DGKB: variants seen among roughly 807,000 people sequenced by gnomAD.
The protein encoded by DGKB is 90 kDa diacylglycerol kinase.
A neutral mutation model predicts 114.3 loss-of-function variants in DGKB; 67 were observed. The ratio of observed to expected loss-of-function variants is 0.59; its 90% CI spans 0.48 to 0.72. The LOEUF (loss-of-function observed/expected upper bound fraction) is 0.72, where lower values mean the gene tolerates loss of function less well. DGKB is among the 30% of genes least tolerant of loss of function. The probability of loss-of-function intolerance (pLI) is 0.00; values close to 1 mark genes in which losing one functional copy is unlikely to be tolerated. For synonymous variants in DGKB, 398 were observed against 323.1 expected, an observed-to-expected ratio of 1.23 and a Z score of -2.49; for missense variants, 907 against 975.2, an observed-to-expected ratio of 0.93 and a Z score of 0.93.
At chr7:14,391,091 T>TA (rs763062742) in intron 21 of DGKB, among the ~76,000 whole-genome samples, 1 of 152,232 alleles carries the variant, frequency 6.6e-6, no homozygotes, top group East Asian at 1.9e-4. Flanking sequence ...TTCAATTTGA[T>TA]ACGTTTGTTA....
intron 25 of DGKB, among the ~76,000 whole-genome samples, chr7:14,153,785 A>T (rs1782574443): frequency 6.6e-6 from 1 of 152,116 alleles, no homozygotes; most frequent in South Asian, 2.1e-4. Flanking sequence ...ACAGAAAAAT[A>T]AAAATCAGCA....
At chr7:14,785,305 G>A (rs1839720550) in intron 2 of DGKB, among the ~76,000 whole-genome samples, 2 of 151,878 alleles carry the variant, frequency 1.3e-5, no homozygotes, top group Non-Finnish European at 2.9e-5. Flanking sequence ...TATAGAAAAC[G>A]GCAGGCAAAC....
At chr7:14,479,230 A>G (rs968424474) in intron 20 of DGKB, among the ~76,000 whole-genome samples, 6 of 152,176 alleles carry the variant, frequency 3.9e-5, no homozygotes, top group Admixed American at 2.0e-4. Context: ...GAAGTTGTGT[A>G]TTTGAGAGAA....
intron 2 of DGKB, among the ~76,000 whole-genome samples, chr7:14,805,159 T>C (rs1400996301): frequency 6.6e-6 from 1 of 152,058 alleles, no homozygotes; most frequent in African/African-American, 2.4e-5. Flanking sequence ...AAAACAAAAT[T>C]TATGTTAGTG....
intron 21 of DGKB, among the ~76,000 whole-genome samples, chr7:14,362,959 T>A (rs370464632): frequency 2.0e-4 from 31 of 152,168 alleles, no homozygotes; most frequent in African/African-American, 7.5e-4. Flanking sequence ...CATGGAACAT[T>A]ACAGAAGTGA....
intron 1 of DGKB, among the ~76,000 whole-genome samples, chr7:14,901,148 A>C (rs540047590): frequency 6.6e-6 from 1 of 152,332 alleles, no homozygotes; most frequent in Non-Finnish European, 1.5e-5. Flanking sequence ...TGGGCACTCC[A>C]ACAATGCCAA....
intron 20 of DGKB, among the ~76,000 whole-genome samples, chr7:14,549,838 A>G (rs986688353): frequency 3.3e-5 from 5 of 152,238 alleles, no homozygotes; most frequent in African/African-American, 1.2e-4. Context: ...AAATATAAAA[A>G]TTAGCTGGGC....
upstream of DGKB, among the ~76,000 whole-genome samples, chr7:14,907,462 G>A (rs1218637479): frequency 1.3e-5 from 2 of 152,196 alleles, no homozygotes; most frequent in African/African-American, 4.8e-5. Context: ...ACCCCACAGA[G>A]TGGTTGAGAG....
chr7:14,776,787 GCA>G (rs1242215649), intron 2 of DGKB, among the ~76,000 whole-genome samples: 1 of 152,210 alleles, frequency 6.6e-6, no homozygotes, highest in South Asian at 2.1e-4. Context: ...CCCTTATACA[GCA>G]CAGAGTCCCT....
intron 23 of DGKB, among the ~76,000 whole-genome samples, chr7:14,316,838 G>T (rs1384129608): frequency 1.4e-5 from 2 of 147,972 alleles, no homozygotes; most frequent in Non-Finnish European, 3.0e-5. Context: ...CCAAAAAAGA[G>T]AATTTTAGAC....
chr7:14,165,017 A>C (rs1784419812), intron 25 of DGKB, among the ~76,000 whole-genome samples: 1 of 152,144 alleles, frequency 6.6e-6, no homozygotes, highest in Admixed American at 6.5e-5. Flanking sequence ...GAAGTCACTA[A>C]AAAAGCAAAG....
At chr7:14,556,547 C>G (rs142721690) in intron 20 of DGKB, among the ~76,000 whole-genome samples, 679 of 151,840 alleles carry the variant, frequency 4.5e-3, no homozygotes, top group Non-Finnish European at 7.0e-3. Flanking sequence ...TCCCCTATGC[C>G]CCTATACGTG....
At chr7:14,958,475 A>ACC (rs1554353805) in intron 1 of DGKB, among the ~76,000 whole-genome samples, 21 of 144,382 alleles carry the variant, frequency 1.5e-4, no homozygotes, top group South Asian at 2.2e-4. Context: ...ACACACACAC[A>ACC]CCCCGTCCAG....
intron 25 of DGKB, among the ~76,000 whole-genome samples, chr7:14,170,145 A>AAAAAAAAGAAAGAAAGAAAGAAAGAAAG (rs1369239302): frequency 1.0e-5 from 1 of 99,982 alleles, no homozygotes; most frequent in Non-Finnish European, 2.0e-5. Flanking sequence ...AAAAAAAAAA[A>AAAAAAAAGAAAGAAAGAAAGAAAGAAAG]AAAGAAAGAA....
chr7:14,830,452 C>G (rs892967460), intron 2 of DGKB, among the ~76,000 whole-genome samples: 1 of 151,980 alleles, frequency 6.6e-6, no homozygotes, highest in Non-Finnish European at 1.5e-5. Flanking sequence ...AAATATTTAG[C>G]AGAACTTTGT....
At chr7:14,306,774 T>C (rs1190376806) in intron 23 of DGKB, among the ~76,000 whole-genome samples, 1 of 152,152 alleles carries the variant, frequency 6.6e-6, no homozygotes, top group Non-Finnish European at 1.5e-5. Context: ...TTAAAGTTTA[T>C]TAGGAAAGAA....
At chr7:14,636,605 A>T (rs1459362545) in intron 13 of DGKB, among the ~76,000 whole-genome samples, 1 of 151,988 alleles carries the variant, frequency 6.6e-6, no homozygotes, top group South Asian at 2.1e-4. Context: ...AGTACAAGAT[A>T]CGATAACTAT....
intron 14 of DGKB, among the ~76,000 whole-genome samples, chr7:14,626,747 G>GA (rs1808669789): frequency 1.3e-5 from 2 of 152,028 alleles, no homozygotes; most frequent in South Asian, 4.1e-4. Context: ...TTGCTGACTA[G>GA]AAAAAACAGT....
chr7:14,838,106 T>C (rs1847404049), intron 2 of DGKB, among the ~76,000 whole-genome samples: 1 of 152,192 alleles, frequency 6.6e-6, no homozygotes, highest in Non-Finnish European at 1.5e-5. Context: ...ATATTTATGA[T>C]AATTTTTATT....
Sources: allele counts gnomAD v4.1 joint callset (sites outside exome capture counted in the v4.1 genomes callset), GRCh38; gene constraint gnomAD v4.1.1; transcripts MANE v1.5; gene names NCBI Gene and HGNC (gene_info 2026-07-23, HGNC 2026-07-21).